Variants in YARS1 observed in about 807,000 individuals in gnomAD.
YARS1 encodes tyrosine--tRNA ligase, cytoplasmic.
YARS1 carries 36 observed loss-of-function variants against 62.2 expected under a neutral mutation model. The ratio of observed to expected loss-of-function variants is 0.58; its 90% CI spans 0.44 to 0.76. The LOEUF (loss-of-function observed/expected upper bound fraction) is 0.76. Ranked by LOEUF, YARS1 falls within the 30% of genes least tolerant of loss-of-function variation. The pLI is 0.00. For missense variants in YARS1, 524 were observed against 639.8 expected (o/e 0.82, Z 1.95); for synonymous variants, 234 against 244.9 (o/e 0.96, Z 0.42).
At chr1:32,783,106 T>G (rs1653113464) in intron 8 of YARS1, 1 of 157,126 alleles carries the variant, frequency 6.4e-6, no homozygotes, top group African/African-American at 2.4e-5. Flanking sequence ...TCTGCCTGCT[T>G]CTGCCTCCCA....
In YARS1 at chr1:32,779,387, A is replaced by G. The variant is rs140841549; in HGVS notation, c.1471T>C (p.Leu491=). The change falls in exon 12 of 13, where the codon TTG becomes CTG. Residue 491 remains leucine (L), a synonymous_variant. Transcript: ENST00000373477. ...LKPKKKVFEK[L]QADFKISEEC... is the part of the protein sequence containing the mutation. ...GAACAATTACAGCTTTTTACCTGCA[A>G]CTTCTCGAAGACTTTCTTCTTGGGC... The G allele has an allele frequency of 1.9e-6, 3 of 1,614,190 alleles. No homozygotes were observed. The highest frequency in any genetic ancestry group is 8.5e-7 in the Non-Finnish European group (1 of 1,180,024).
Position 32,786,404 on chromosome 1 carries a change from G to A in YARS1, c.864C>T (p.Thr288=), listed in dbSNP as rs1653229534. The part of the protein sequence containing the change: ...LRDEKWGGNK[T]YTAYVDLEKD... ...TTTCCAGGTCCACGTAAGCTGTGTA[G>A]GTTTTGTTTCCACCCCATTTCTCAT... The change falls in exon 8 of 13, where the codon ACC becomes ACT. Residue 288 remains threonine, a synonymous_variant. Coordinates refer to ENST00000373477, the MANE Select transcript of YARS1 (RefSeq NM_003680.4). The A allele has an allele frequency of 6.2e-7, 1 of 1,613,880 alleles. No individual in the cohort carries two copies. Among genetic ancestry groups the A allele is most frequent in the South Asian group, 1.1e-5 (1 of 91,056 alleles).
rs903680883 is a variant in YARS1 at position 32,776,279 on chromosome 1, C to G, written c.1477-188G>C. The stretch of plus-strand genomic sequence containing the variant: ...TCTCCTGCCTGAGCCTTCCGAGTAG[C>G]TGGGACTACAGGCATGCACCACCAC... On this transcript the variant is annotated intron_variant, in intron 12 of 12. Transcript: ENST00000373477. The surrounding 1 kb of genome is among the most constrained non-coding windows in gnomAD (Gnocchi z 4.0). 6.6e-6 allele frequency among the ~76,000 whole-genome samples: 1 copy of G among 152,068 alleles called. No individual in the cohort carries two copies. Among genetic ancestry groups the G allele is most frequent in the Non-Finnish European group, 1.5e-5 (1 of 68,028 alleles).
At position 32,807,458 on chromosome 1, in the gene YARS1, CTTTTA is replaced by C. The variant is rs574915616; in HGVS notation, c.381-852_381-848del. Among the ~76,000 whole-genome samples the C allele has an allele frequency of 3.5e-3, 533 of 151,536 alleles. 4 individuals are homozygous for C. The highest frequency in any genetic ancestry group is 3.6e-3 in the Non-Finnish European group (246 of 67,926). Reference sequence around the variant, plus strand: ...ATATTACTTTATTTTTATGTTTTTCCTTTTATTTTTTTTTTTGAGACAGGGTCTCA... The same window carrying C: ...ATATTACTTTATTTTTATGTTTTTCCTTTTTTTTTTTGAGACAGGGTCTCA... On this transcript the variant is annotated intron_variant, in intron 3 of 12. Coordinates refer to ENST00000373477, the MANE Select transcript of YARS1 (RefSeq NM_003680.4).
intron 1 of YARS1, among the ~76,000 whole-genome samples, chr1:32,816,421 G>A (rs1466273269): frequency 1.3e-5 from 2 of 152,192 alleles, no homozygotes; most frequent in Admixed American, 1.3e-4. Flanking sequence ...GCAAGGTATG[G>A]GGCAGTTCTG....
chr1:32,806,647 TG>T (rs753396360), intron 3 of YARS1, 36 bp from the exon 4 acceptor site: 1 of 1,613,980 alleles, frequency 6.2e-7, no homozygotes, highest in Non-Finnish European at 8.5e-7. Context: ...GCTGTAAACC[TG>T]GGCCTAGGCC....
At position 32,780,515 on chromosome 1, in the gene YARS1, G is replaced by A. The variant is rs569515891; in HGVS notation, c.1141-237C>T. On this transcript the variant is annotated intron_variant, in intron 10 of 12. Transcript: ENST00000373477. ...AAGTGGACCTAGATGCTTGTGTTAAGAGGTGGAAGGATCTCTAAGCCATCT... is the reference window on the plus strand; with the variant it reads ...AAGTGGACCTAGATGCTTGTGTTAAAAGGTGGAAGGATCTCTAAGCCATCT... 1.8e-4 allele frequency: 102 copies of A among 565,862 alleles called. 2 individuals carry two copies. In the South Asian group the frequency reaches 2.0e-3, roughly 11 times the overall value. The allele number at this position is 565,862 out of a possible 1,614,324, so 35.1% of individuals were successfully genotyped here. A position where few individuals can be genotyped will look rare whatever the true frequency, so the allele number is the denominator to read the frequency against.
intron 8 of YARS1, among the ~76,000 whole-genome samples, chr1:32,784,813 C>T (rs146389737): frequency 2.4e-4 from 36 of 152,260 alleles, no homozygotes; most frequent in African/African-American, 8.2e-4. Flanking sequence ...AAGTCTGCCT[C>T]GCCTACTGGA....
chr1:32,810,673 C>T lies in YARS1; in HGVS notation c.298G>A (p.Val100Met), dbSNP rs766704849. The T allele has an allele frequency of 5.0e-6, 8 of 1,614,002 alleles. No individual in the cohort carries two copies. Among genetic ancestry groups the T allele is most frequent in the African/African-American group, 2.7e-5 (2 of 74,924 alleles). The change falls in exon 3 of 13, where the codon GTG (valine) becomes ATG (methionine). Residue 100 changes from valine to methionine, a missense_variant. Transcript: ENST00000373477. ...LELRVSYYEN[V>M]IKAMLESIGV... is the part of the protein sequence containing the mutation. ...ATGCTCTCCAGCATTGCTTTGATCA[C>T]ATTCTCATAGTAACTGACTCGGAGT... is the stretch of plus-strand genomic sequence containing the variant.
At chr1:32,777,517 A>G (rs956717514) in intron 12 of YARS1, among the ~76,000 whole-genome samples, 3 of 152,340 alleles carry the variant, frequency 2.0e-5, no homozygotes, top group Non-Finnish European at 4.4e-5. Flanking sequence ...AGGCTGAGGC[A>G]GGAGAATTGC....
At chr1:32,815,156 C>T (rs1397098395) in intron 1 of YARS1, among the ~76,000 whole-genome samples, 1 of 152,172 alleles carries the variant, frequency 6.6e-6, no homozygotes, top group Non-Finnish European at 1.5e-5. Context: ...TGAGACCAGC[C>T]TGGCCAGCAT....
chr1:32,786,018 A>C (rs1308067609), intron 8 of YARS1, among the ~76,000 whole-genome samples: 1 of 152,082 alleles, frequency 6.6e-6, no homozygotes, highest in Non-Finnish European at 1.5e-5. Flanking sequence ...TACATCCTAA[A>C]GGGACCACTC....
Position 32,810,809 on chromosome 1 carries a change from AT to A in YARS1, c.205-44del, listed in dbSNP as rs778499334. On this transcript the variant is annotated intron_variant, in intron 2 of 12. Coordinates refer to ENST00000373477, the MANE Select transcript of YARS1 (RefSeq NM_003680.4). ...GGCCACCAAAATGTGAATTTGTCCA[AT>A]TACCTCCAACCTGTCTCCTCCAGCC... 7.9e-5 allele frequency: 128 copies of A among 1,614,062 alleles called. No homozygotes were observed. The Admixed American group carries it at 1.1e-3, about 14-fold the overall frequency.
chr1:32,810,668 G>A lies in YARS1; in HGVS notation c.303C>T (p.Ile101=), dbSNP rs2148616521. The change falls in exon 3 of 13, where the codon ATC becomes ATT. Residue 101 remains isoleucine, a synonymous_variant. Transcript: ENST00000373477. The part of the protein sequence containing the change: ...ELRVSYYENV[I]KAMLESIGVP... ...CACCAATGCTCTCCAGCATTGCTTT[G>A]ATCACATTCTCATAGTAACTGACTC... 3 of 1,614,040 alleles carry A rather than the reference G, an allele frequency of 1.9e-6. No individual in the cohort carries two copies. Among genetic ancestry groups the A allele is most frequent in the Non-Finnish European group, 1.7e-6 (2 of 1,180,034 alleles).
At chr1:32,803,808 T>C (rs1422373838) in intron 4 of YARS1, among the ~76,000 whole-genome samples, 2 of 152,104 alleles carry the variant, frequency 1.3e-5, no homozygotes, top group East Asian at 3.9e-4. Context: ...GGCAGGGTCA[T>C]AGGACAATAG....
At chr1:32,788,134 T>G (rs1305019926) in intron 6 of YARS1, among the ~76,000 whole-genome samples, 1 of 152,190 alleles carries the variant, frequency 6.6e-6, no homozygotes, top group Non-Finnish European at 1.5e-5. Flanking sequence ...AATTAAACTA[T>G]TTTATTTTTT....
intron 6 of YARS1, among the ~76,000 whole-genome samples, chr1:32,788,871 CTG>C (rs958447136): frequency 2.0e-5 from 3 of 152,164 alleles, no homozygotes; most frequent in Non-Finnish European, 2.9e-5. Context: ...GTTGCCCTGG[CTG>C]GAGTGTGGTG....
At chr1:32,777,442 C>G (rs553800619) in intron 12 of YARS1, among the ~76,000 whole-genome samples, 1 of 152,192 alleles carries the variant, frequency 6.6e-6, no homozygotes, top group South Asian at 2.1e-4. Flanking sequence ...GAAACCCCAT[C>G]TCTACTAAAA....
At position 32,776,767 on chromosome 1, in the gene YARS1, C is replaced by A. The variant is rs1052276390; in HGVS notation, c.1477-676G>T. Among the ~76,000 whole-genome samples, 1 of 151,984 alleles carries A rather than the reference C, an allele frequency of 6.6e-6. No individual in the cohort carries two copies. Among genetic ancestry groups the A allele is most frequent in the Non-Finnish European group, 1.5e-5 (1 of 68,024 alleles). On this transcript the variant is annotated intron_variant, in intron 12 of 12. Transcript: ENST00000373477. This position sits in a 1 kb window ranked among gnomAD's most constrained non-coding sequence, Gnocchi z 4.0. ...GGATCACGAGGTCAGGAGATTGAGA[C>A]CATCCTGGCTAATACAGTGAAACCC...
Sources: allele counts gnomAD v4.1 joint callset (sites outside exome capture counted in the v4.1 genomes callset), GRCh38; gene constraint gnomAD v4.1.1; non-coding constraint Gnocchi (gnomAD v3.1); transcripts MANE v1.5; gene names NCBI Gene and HGNC (gene_info 2026-07-23, HGNC 2026-07-21).